The following CAPN1 variants were observed in gnomAD, a reference collection of about 807,000 sequenced individuals.
CAPN1 encodes calpain-1 catalytic subunit.
A neutral mutation model predicts 105.2 loss-of-function variants in CAPN1; 77 were observed. The observed-to-expected ratio is 0.73, with a 90% CI of 0.61 to 0.88. CAPN1 has a LOEUF of 0.88. CAPN1 is among the 40% of genes least tolerant of loss of function. The pLI is 0.00. For missense variants in CAPN1, 833 were observed against 976.6 expected (o/e 0.85, Z 1.96); for synonymous variants, 355 against 388.8 (o/e 0.91, Z 1.02).
rs1222200420 is a variant in CAPN1 at position 65,188,751 on chromosome 11, A to C, written c.1165+5A>C. On this transcript the variant is annotated splice_donor_5th_base_variant and intron_variant, in intron 10 of 21. Coordinates refer to ENST00000279247, the MANE Select transcript of CAPN1 (RefSeq NM_005186.4). The surrounding 1 kb of genome is among the most constrained non-coding windows in gnomAD (Gnocchi z 5.5). ...GGGGCTGCCGAAACTACCCAGGTGC[A>C]CAGGGGCGGGCTCTGGGTCTTGCTG... 1 of 1,555,604 alleles carries C rather than the reference A, an allele frequency of 6.4e-7. No individual in the cohort carries two copies. Among genetic ancestry groups the C allele is most frequent in the East Asian group, 2.4e-5 (1 of 41,124 alleles).
chr11:65,192,065 C>A (rs1391780390), intron 10 of CAPN1, among the ~76,000 whole-genome samples: 1 of 152,084 alleles, frequency 6.6e-6, no homozygotes, highest in Non-Finnish European at 1.5e-5. Flanking sequence ...GAGACCTCAT[C>A]TCTACAAAAA....
At chr11:65,206,190 GATA>G (rs1948954623) in intron 12 of CAPN1, 1 of 569,374 alleles carries the variant, frequency 1.8e-6, no homozygotes, top group South Asian at 2.1e-5. Flanking sequence ...AGCTCCCAGT[GATA>G]ATAATGACAG....
At position 65,187,778 on chromosome 11, in the gene CAPN1, T is replaced by C. The variant is rs1590850938; in HGVS notation, c.844-177T>C. On this transcript the variant is annotated intron_variant, in intron 7 of 21. Coordinates refer to ENST00000279247, the MANE Select transcript of CAPN1 (RefSeq NM_005186.4). ...GGCAGGTGCCTGTAATTCCAGCTAT[T>C]TGGGAGGCTGAGGCAAGAGAATTGA... 7.5e-6 allele frequency: 4 copies of C among 534,640 alleles called. No homozygotes were observed. The East Asian group carries it at 1.1e-4, about 14-fold the overall frequency. 33.1% of individuals were successfully genotyped at this position (534,640 alleles called of 1,614,324 possible).
Position 65,188,312 on chromosome 11 carries a change from T to C in CAPN1, c.930-102T>C. On this transcript the variant is annotated intron_variant, in intron 8 of 21. Coordinates refer to ENST00000279247, the MANE Select transcript of CAPN1 (RefSeq NM_005186.4). This position sits in a 1 kb window ranked among gnomAD's most constrained non-coding sequence, Gnocchi z 5.5. ...GGCGCTTGACCTTGAGGAGGCCACC[T>C]GGGCTGGGCCGGGGGAAGACAGGCC... 9.1e-7 allele frequency: 1 copy of C among 1,095,798 alleles called. No homozygotes were observed. The highest frequency in any genetic ancestry group is 1.3e-6 in the Non-Finnish European group (1 of 753,226). The allele number at this position is 1,095,798 out of a possible 1,614,324, so 67.9% of individuals were successfully genotyped here.
chr11:65,205,818 A>G (rs1948948696), intron 12 of CAPN1, 97 bp downstream of exon 12: 1 of 1,115,752 alleles, frequency 9.0e-7, no homozygotes, highest in Non-Finnish European at 1.4e-6. Context: ...TGGAGAGCTA[A>G]GAAGTCACCT....
intron 10 of CAPN1, among the ~76,000 whole-genome samples, chr11:65,191,268 C>T (rs78147355): frequency 0.014 from 2,187 of 152,188 alleles, 51 homozygotes; most frequent in African/African-American, 0.05. Flanking sequence ...ATGCTAGGTA[C>T]ACTATAATTT....
In CAPN1 at chr11:65,211,000, C is replaced by A; in HGVS notation, c.2118+128C>A. Reference sequence around the variant, plus strand: ...TCAGAGCCAACCCTGAAGCCCGGGCCACCTGAATCCTGAAAGGCTGGGGTG... The same window carrying A: ...TCAGAGCCAACCCTGAAGCCCGGGCAACCTGAATCCTGAAAGGCTGGGGTG... On this transcript the variant is annotated intron_variant, in intron 21 of 21. Transcript: ENST00000279247. This position sits in a 1 kb window ranked among gnomAD's most constrained non-coding sequence, Gnocchi z 4.3. 1 of 879,130 alleles carries A rather than the reference C, an allele frequency of 1.1e-6. No individual in the cohort carries two copies. Among genetic ancestry groups the A allele is most frequent in the Non-Finnish European group, 1.9e-6 (1 of 534,966 alleles). 54.5% of individuals were successfully genotyped at this position (879,130 alleles called of 1,614,324 possible). A position where few individuals can be genotyped will look rare whatever the true frequency, so the allele number is the denominator to read the frequency against.
intron 3 of CAPN1, 52 bp from the exon 4 acceptor site, chr11:65,183,422 C>A (rs745597294): frequency 7.1e-7 from 1 of 1,407,624 alleles, no homozygotes; most frequent in Non-Finnish European, 1.0e-6. Context: ...ACCCGCTTCC[C>A]CCCCCGGGGC....
rs928193603 is a variant in CAPN1 at position 65,190,876 on chromosome 11, C to G, written c.1165+2130C>G. ...TACAGGTGCCCGCCACCACATCCAG[C>G]TAATGTTTGTATTTTTAGTAGAGAC... On this transcript the variant is annotated intron_variant, in intron 10 of 21. Coordinates refer to ENST00000279247, the MANE Select transcript of CAPN1 (RefSeq NM_005186.4). 6.6e-5 allele frequency among the ~76,000 whole-genome samples: 10 copies of G among 152,168 alleles called. No individual in the cohort carries two copies. In the East Asian group the frequency reaches 1.9e-3, roughly 29 times the overall value.
chr11:65,208,581 C>T lies in CAPN1; in HGVS notation c.1729+319C>T. On this transcript the variant is annotated intron_variant, in intron 16 of 21. Transcript: ENST00000279247. The surrounding 1 kb of genome is among the most constrained non-coding windows in gnomAD (Gnocchi z 4.1). Reference sequence around the variant, plus strand: ...TCGCTTCAGCCCAGGAGTTCAACACCAGCCTGGACAATATGGAGAGACCCT... The same window carrying T: ...TCGCTTCAGCCCAGGAGTTCAACACTAGCCTGGACAATATGGAGAGACCCT... 2.2e-6 allele frequency: 1 copy of T among 450,250 alleles called. No homozygotes were observed. The highest frequency in any genetic ancestry group is 4.1e-6 in the Non-Finnish European group (1 of 242,190). 27.9% of individuals were successfully genotyped at this position (450,250 alleles called of 1,614,324 possible). A position where few individuals can be genotyped will look rare whatever the true frequency, so the allele number is the denominator to read the frequency against.
chr11:65,196,361 T>G (rs936396513), intron 10 of CAPN1, among the ~76,000 whole-genome samples: 1 of 152,050 alleles, frequency 6.6e-6, no homozygotes, highest in Non-Finnish European at 1.5e-5. Flanking sequence ...CATTTTTTAT[T>G]TCATATATCA....
At chr11:65,197,696 G>A (rs1318983257) in intron 10 of CAPN1, among the ~76,000 whole-genome samples, 1 of 151,988 alleles carries the variant, frequency 6.6e-6, no homozygotes, top group Admixed American at 6.6e-5. Flanking sequence ...AGACCAGCCT[G>A]GCCAACATGG....
Position 65,192,060 on chromosome 11 carries a change from C to A in CAPN1, c.1165+3314C>A, listed in dbSNP as rs1012818504. Among the ~76,000 whole-genome samples the A allele has an allele frequency of 2.0e-5, 3 of 151,928 alleles. No homozygotes were observed. In the South Asian group the frequency reaches 6.2e-4, roughly 32 times the overall value. ...AACAGCTTGGGCAATACAGTGAGACCTCATCTCTACAAAAAATTTAAAAAA... is the reference window on the plus strand; with the variant it reads ...AACAGCTTGGGCAATACAGTGAGACATCATCTCTACAAAAAATTTAAAAAA... On this transcript the variant is annotated intron_variant, in intron 10 of 21. Coordinates refer to ENST00000279247, the MANE Select transcript of CAPN1 (RefSeq NM_005186.4).
chr11:65,207,963 AG>A, intron 14 of CAPN1, 91 bp from the exon 15 acceptor site: 1 of 826,782 alleles, frequency 1.2e-6, no homozygotes, highest in Admixed American at 2.6e-5. Context: ...AGTGACTTGT[AG>A]CAGATATGTG....
chr11:65,193,256 G>T (rs1490091693), intron 10 of CAPN1, among the ~76,000 whole-genome samples: 1 of 151,512 alleles, frequency 6.6e-6, no homozygotes, highest in East Asian at 1.9e-4. Flanking sequence ...TGGGATTACA[G>T]GCGTGAGCCA....
At position 65,188,452 on chromosome 11, in the gene CAPN1, A is replaced by G; in HGVS notation, c.968A>G (p.Asp323Gly). 6.2e-7 allele frequency: 1 copy of G among 1,613,172 alleles called. No individual in the cohort carries two copies. The highest frequency in any genetic ancestry group is 8.5e-7 in the Non-Finnish European group (1 of 1,179,576). ...AACAACGTGGACCCATATGAACGGG[A>G]CCAGCTCCGGGTCAAGATGGAGGAC... ...EWNNVDPYERDQLRVKMEDGE... is the reference protein window; with the variant it reads ...EWNNVDPYERGQLRVKMEDGE... Residue 323 changes from aspartate (D) to glycine (G), a missense_variant, in exon 9 of 22, where the codon GAC (aspartate) becomes GGC (glycine). By Grantham distance (94) the Asp-to-Gly change is moderately conservative. Coordinates refer to ENST00000279247, the MANE Select transcript of CAPN1 (RefSeq NM_005186.4). This position sits in a 1 kb window ranked among gnomAD's most constrained non-coding sequence, Gnocchi z 5.5.
chr11:65,204,073 C>G (rs1045947868), intron 10 of CAPN1, among the ~76,000 whole-genome samples: 1 of 152,162 alleles, frequency 6.6e-6, no homozygotes, highest in Non-Finnish European at 1.5e-5. Flanking sequence ...GGCCTCCTGT[C>G]GGACCCCTGC....
intron 10 of CAPN1, among the ~76,000 whole-genome samples, chr11:65,196,022 C>T (rs1948788611): frequency 6.6e-6 from 1 of 151,804 alleles, no homozygotes. Flanking sequence ...ATATAATTGT[C>T]TATAGTGTTT....
chr11:65,199,718 G>T (rs1257574711), intron 10 of CAPN1, among the ~76,000 whole-genome samples: 2 of 152,094 alleles, frequency 1.3e-5, no homozygotes, highest in African/African-American at 2.4e-5. Flanking sequence ...TTTCTTCCAA[G>T]AACTTAATTT....
Sources: gnomAD v4.1 joint callset for allele counts (sites outside exome capture counted in the v4.1 genomes callset) on GRCh38, gnomAD v4.1.1 for gene constraint, Gnocchi (gnomAD v3.1) non-coding constraint, MANE v1.5 for transcripts, NCBI Gene and HGNC (gene_info 2026-07-23, HGNC 2026-07-21) for gene names.